DISP1: variants seen among roughly 807,000 people sequenced by gnomAD.
DISP1 encodes dispatched RND transporter family member 1, also known as protein dispatched homolog 1.
A neutral mutation model predicts 37.3 loss-of-function variants in DISP1; 30 were observed. The ratio of observed to expected loss-of-function variants is 0.80; its 90% CI spans 0.60 to 1.09. The LOEUF (loss-of-function observed/expected upper bound fraction) is 1.09, where lower values mean the gene tolerates loss of function less well. DISP1 is among the 50% of genes least tolerant of loss of function. The probability of loss-of-function intolerance (pLI) is 0.00; values close to 1 mark genes in which losing one functional copy is unlikely to be tolerated. For synonymous variants in DISP1, 634 were observed against 690.2 expected, an observed-to-expected ratio of 0.92 and a Z score of 1.28; for missense variants, 1,598 against 1,879.5, an observed-to-expected ratio of 0.85 and a Z score of 2.77.
chr1:222,970,918 G>A (rs1262238418), intron 3 of DISP1, among the ~76,000 whole-genome samples: 1 of 152,228 alleles, frequency 6.6e-6, no homozygotes, highest in East Asian at 1.9e-4. Flanking sequence ...GTGCCAAAGT[G>A]TAAAAGGGAC....
At chr1:222,912,921 C>A (rs1185574604) in intron 1 of DISP1, among the ~76,000 whole-genome samples, 1 of 151,966 alleles carries the variant, frequency 6.6e-6, no homozygotes, top group Non-Finnish European at 1.5e-5. Flanking sequence ...GTAATGGGTG[C>A]AAGAATGAAA....
intron 1 of DISP1, among the ~76,000 whole-genome samples, chr1:222,831,731 T>C (rs1665795660): frequency 6.6e-6 from 1 of 152,078 alleles, no homozygotes; most frequent in Non-Finnish European, 1.5e-5. Flanking sequence ...AAGTACCCAG[T>C]AGAGGAAGCC....
chr1:222,962,828 A>G (rs984585957), intron 3 of DISP1, among the ~76,000 whole-genome samples: 1 of 152,228 alleles, frequency 6.6e-6, no homozygotes, highest in Admixed American at 6.5e-5. Flanking sequence ...TAAAAACCCT[A>G]GAAGGAAACC....
intron 3 of DISP1, among the ~76,000 whole-genome samples, chr1:222,980,578 A>G (rs78787413): frequency 0.018 from 2,694 of 152,274 alleles, 78 homozygotes; most frequent in African/African-American, 0.062. Context: ...CATTAATCCA[A>G]CACGCACTGA....
chr1:222,823,860 T>C lies in DISP1; in HGVS notation c.-159+8782T>C, dbSNP rs79804503. The C allele has an allele frequency of 2.6e-3, 388 of 149,596 alleles. 6 individuals carry two copies. The highest frequency in any genetic ancestry group is 8.9e-3 in the African/African-American group (362 of 40,792). The allele number at this position is 149,596 out of a possible 1,614,324, so 9.3% of individuals were successfully genotyped here. A position where few individuals can be genotyped will look rare whatever the true frequency, so the allele number is the denominator to read the frequency against. ...TTTTTTTTTTCGGACTCCTAGTATC[T>C]GAGAACATATTTCTTCCCTATAGGA... On this transcript the variant is annotated intron_variant, in intron 1 of 8. Transcript: ENST00000675850.
intron 3 of DISP1, among the ~76,000 whole-genome samples, chr1:222,975,471 A>G (rs564659595): frequency 6.6e-6 from 1 of 152,222 alleles, no homozygotes; most frequent in East Asian, 1.9e-4. Flanking sequence ...ATTAAAAGAG[A>G]AAAAAGGTGA....
At chr1:222,859,213 C>G (rs890370930) in intron 1 of DISP1, among the ~76,000 whole-genome samples, 3 of 152,158 alleles carry the variant, frequency 2.0e-5, no homozygotes, top group African/African-American at 7.2e-5. Context: ...CCATTACCCT[C>G]AGCAAACTAA....
At chr1:222,878,993 G>T (rs1318070133) in intron 1 of DISP1, among the ~76,000 whole-genome samples, 3 of 152,090 alleles carry the variant, frequency 2.0e-5, no homozygotes, top group Non-Finnish European at 4.4e-5. Context: ...TTTAATTAAT[G>T]CATGTTTATT....
intron 1 of DISP1, among the ~76,000 whole-genome samples, chr1:222,907,383 G>GA (rs1671959078): frequency 6.6e-6 from 1 of 152,176 alleles, no homozygotes; most frequent in Non-Finnish European, 1.5e-5. Flanking sequence ...ACACTTAGCA[G>GA]CTTTAGCATC....
intron 1 of DISP1, among the ~76,000 whole-genome samples, chr1:222,913,977 T>C (rs933313751): frequency 2.7e-5 from 4 of 150,012 alleles, no homozygotes; most frequent in African/African-American, 7.3e-5. Flanking sequence ...ATATAACTCA[T>C]ACTGTTATAT....
chr1:222,908,869 TA>T lies in DISP1; in HGVS notation c.-158-19549del, dbSNP rs879270761. Among the ~76,000 whole-genome samples, 441 of 143,796 alleles carry T rather than the reference TA, an allele frequency of 3.1e-3. 1 individual carries two copies. The highest frequency in any genetic ancestry group is 0.011 in the Middle Eastern group (3 of 284). The allele number at this position is 143,796 out of a possible 152,430, so 94.3% of individuals were successfully genotyped here. A position where few individuals can be genotyped will look rare whatever the true frequency, so the allele number is the denominator to read the frequency against. ...AATTTTTAGTCTTTGACTCTTTCAT[TA>T]AAAAAAAAAAAGAATTCCTGGAGAT... On this transcript the variant is annotated intron_variant, in intron 1 of 8. Transcript: ENST00000675850.
intron 1 of DISP1, among the ~76,000 whole-genome samples, chr1:222,924,863 C>A (rs2125447047): frequency 6.6e-6 from 1 of 152,202 alleles, no homozygotes; most frequent in African/African-American, 2.4e-5. Flanking sequence ...GCTGTTTTAT[C>A]ACTTTTCTAA....
chr1:222,865,353 C>T (rs1669123530), intron 1 of DISP1, among the ~76,000 whole-genome samples: 1 of 152,032 alleles, frequency 6.6e-6, no homozygotes, highest in Admixed American at 6.5e-5. Context: ...GAATTGATTA[C>T]TTTTTGTTTT....
At chr1:222,844,481 C>T (rs1254351059) in intron 1 of DISP1, among the ~76,000 whole-genome samples, 1 of 152,060 alleles carries the variant, frequency 6.6e-6, no homozygotes, top group East Asian at 1.9e-4. Context: ...ATAGCCGATC[C>T]AGCCTTTCCT....
intron 1 of DISP1, among the ~76,000 whole-genome samples, chr1:222,850,390 C>A (rs1347496597): frequency 1.3e-5 from 2 of 151,080 alleles, no homozygotes; most frequent in Non-Finnish European, 3.0e-5. Flanking sequence ...TTTTATTATT[C>A]TTTTAAAATT....
intron 2 of DISP1, among the ~76,000 whole-genome samples, chr1:222,936,898 T>TGA (rs1383282266): frequency 3.1e-4 from 12 of 38,848 alleles, no homozygotes; most frequent in African/African-American, 1.1e-3. Context: ...AATATATTAT[T>TGA]TATATATAAT....
intron 2 of DISP1, among the ~76,000 whole-genome samples, chr1:222,935,875 A>G (rs1251704427): frequency 6.6e-6 from 1 of 152,160 alleles, no homozygotes; most frequent in Non-Finnish European, 1.5e-5. Flanking sequence ...GTTTGATTGC[A>G]TCCTTTGTAC....
chr1:222,888,136 A>G (rs1670735217), intron 1 of DISP1, among the ~76,000 whole-genome samples: 1 of 152,160 alleles, frequency 6.6e-6, no homozygotes, highest in Admixed American at 6.5e-5. Context: ...TTTCTAGGAG[A>G]TGGTTTAGCT....
At chr1:222,917,720 C>CTA (rs1672575995) in intron 1 of DISP1, among the ~76,000 whole-genome samples, 1 of 152,130 alleles carries the variant, frequency 6.6e-6, no homozygotes, top group Non-Finnish European at 1.5e-5. Flanking sequence ...TACAGGAAGG[C>CTA]TAACTTTAAC....
Sources: allele counts gnomAD v4.1 joint callset (sites outside exome capture counted in the v4.1 genomes callset), GRCh38; gene constraint gnomAD v4.1.1; transcripts MANE v1.5; gene names NCBI Gene and HGNC (gene_info 2026-07-23, HGNC 2026-07-21).